The following NAA11 variants were observed in gnomAD, a reference collection of about 807,000 sequenced individuals.
NAA11 encodes the protein N-alpha-acetyltransferase 11, NatA catalytic subunit.
Under a neutral mutation model 16.1 loss-of-function variants are expected in NAA11, and 15 were observed. That is an observed-to-expected ratio of 0.93 (90% confidence interval 0.62 to 1.44). NAA11 has a LOEUF of 1.44. Ranked by LOEUF, NAA11 falls within the 40% of genes most tolerant of loss-of-function variation. The probability of loss-of-function intolerance (pLI) is 0.00; values close to 1 mark genes in which losing one functional copy is unlikely to be tolerated. For missense variants in NAA11, 298 were observed against 291.3 expected (o/e 1.02, Z -0.17); for synonymous variants, 122 against 112.4 (o/e 1.09, Z -0.54).
chr4:79,288,432 A>G (rs1220900416), intron 2 of NAA11, among the ~76,000 whole-genome samples: 5 of 152,212 alleles, frequency 3.3e-5, no homozygotes, highest in Admixed American at 1.3e-4. Flanking sequence ...GAGGCATTAA[A>G]AGATATGCTG....
chr4:79,233,254 A>G (rs1721504205), intron 2 of NAA11, among the ~76,000 whole-genome samples: 1 of 152,016 alleles, frequency 6.6e-6, no homozygotes, highest in Non-Finnish European at 1.5e-5. Context: ...TGTACTGTCA[A>G]TTAAAGTGAC....
At chr4:79,270,178 G>A (rs1722460670) in intron 2 of NAA11, among the ~76,000 whole-genome samples, 1 of 151,010 alleles carries the variant, frequency 6.6e-6, no homozygotes, top group Non-Finnish European at 1.5e-5. Flanking sequence ...GATTGACTTG[G>A]CGATGCGGGC....
the NAA11 span, among the ~76,000 whole-genome samples, chr4:79,184,194 A>C: frequency 6.6e-6 from 1 of 152,196 alleles, no homozygotes; most frequent in Non-Finnish European, 1.5e-5. Context: ...TTTTGATAAA[A>C]CCCATATTGT....
intron 2 of NAA11, among the ~76,000 whole-genome samples, chr4:79,255,920 T>C (rs1722099177): frequency 6.6e-6 from 1 of 152,202 alleles, no homozygotes; most frequent in South Asian, 2.1e-4. Context: ...GTAGTAACTT[T>C]GGGTCATTGC....
rs1722616570 is a variant in NAA11 at position 79,275,009 on chromosome 4, G to C, written c.*122+18996C>G. Reference sequence around the variant, plus strand: ...ATGAAGCAGGCCAGATCCTACTTCAGGTCTTAGTTGTGGATGGCTTGATGG... The same window carrying C: ...ATGAAGCAGGCCAGATCCTACTTCACGTCTTAGTTGTGGATGGCTTGATGG... On this transcript the variant is annotated intron_variant and NMD_transcript_variant, in intron 2 of 2. Coordinates refer to the NAA11 transcript ENST00000511542. 2.0e-5 allele frequency among the ~76,000 whole-genome samples: 3 copies of C among 152,052 alleles called. No individual in the cohort carries two copies. The South Asian group carries it at 6.2e-4, about 32-fold the overall frequency.
chr4:79,282,610 G>A (rs937772369), intron 2 of NAA11, among the ~76,000 whole-genome samples: 1 of 152,044 alleles, frequency 6.6e-6, no homozygotes, highest in Non-Finnish European at 1.5e-5. Flanking sequence ...ATAGATTGTG[G>A]TGTATTGATG....
At chr4:79,256,669 T>TA (rs1560427608) in intron 2 of NAA11, among the ~76,000 whole-genome samples, 27 of 146,886 alleles carry the variant, frequency 1.8e-4, no homozygotes, top group Middle Eastern at 7.2e-3. Context: ...TATATATATA[T>TA]TGACACGAGG....
At chr4:79,293,491 A>T (rs1223048475) in intron 2 of NAA11, among the ~76,000 whole-genome samples, 1 of 152,202 alleles carries the variant, frequency 6.6e-6, no homozygotes, top group Non-Finnish European at 1.5e-5. Flanking sequence ...TTCCCAAAGC[A>T]TTTGGAAGTT....
At chr4:79,295,489 G>A (rs1723194381) in intron 1 of NAA11, among the ~76,000 whole-genome samples, 1 of 152,140 alleles carries the variant, frequency 6.6e-6, no homozygotes, top group Non-Finnish European at 1.5e-5. Flanking sequence ...ACACACAAAA[G>A]CAACTTTGAT....
the NAA11 span, among the ~76,000 whole-genome samples, chr4:79,170,712 T>C: frequency 6.6e-6 from 1 of 152,216 alleles, no homozygotes; most frequent in Admixed American, 6.5e-5. Context: ...TTAGAAGTTT[T>C]ATTTCTTCAT....
At chr4:79,198,532 G>A in the NAA11 span, among the ~76,000 whole-genome samples, 1 of 151,828 alleles carries the variant, frequency 6.6e-6, no homozygotes, top group African/African-American at 2.4e-5. Flanking sequence ...GTGTTTTGGT[G>A]TTTTCTGAGG....
At chr4:79,296,545 C>T (rs1156282207) in intron 1 of NAA11, among the ~76,000 whole-genome samples, 1 of 152,214 alleles carries the variant, frequency 6.6e-6, no homozygotes, top group African/African-American at 2.4e-5. Context: ...CCTTCCTTAT[C>T]TGGGAAAGAG....
chr4:79,225,407 T>C (rs1257120021), downstream of NAA11, among the ~76,000 whole-genome samples: 1 of 152,100 alleles, frequency 6.6e-6, no homozygotes, highest in Non-Finnish European at 1.5e-5. Context: ...AAAGTGTCAC[T>C]GTGGCTGAGG....
Position 79,265,072 on chromosome 4 carries a change from A to G in NAA11, c.*122+28933T>C, listed in dbSNP as rs1722314964. ...TCCTTTTACAATTTTCCCTATCTCA[A>G]TAAATGGCAATCCCATCCTCCCAGT... On this transcript the variant is annotated intron_variant and NMD_transcript_variant, in intron 2 of 2. Coordinates refer to the NAA11 transcript ENST00000511542. Among the ~76,000 whole-genome samples, 3 of 152,184 alleles carry G rather than the reference A, an allele frequency of 2.0e-5. No homozygotes were observed. In the South Asian group the frequency reaches 6.2e-4, roughly 32 times the overall value.
chr4:79,315,310 G>T (rs997568120), downstream of NAA11, among the ~76,000 whole-genome samples: 16 of 152,134 alleles, frequency 1.1e-4, no homozygotes, highest in South Asian at 2.1e-4. Context: ...AAATTTTCCT[G>T]GCTGTGGACT....
chr4:79,178,025 T>C, the NAA11 span, among the ~76,000 whole-genome samples: 42 of 152,272 alleles, frequency 2.8e-4, no homozygotes, highest in East Asian at 7.5e-3. Flanking sequence ...AGCATCTGAG[T>C]TGAACATTAA....
intron 2 of NAA11, among the ~76,000 whole-genome samples, chr4:79,263,922 A>G (rs1360033479): frequency 6.6e-6 from 1 of 152,158 alleles, no homozygotes; most frequent in East Asian, 1.9e-4. Context: ...ATCTTTTCTG[A>G]GCCCATATAC....
At chr4:79,170,537 T>A in the NAA11 span, among the ~76,000 whole-genome samples, 38 of 152,182 alleles carry the variant, frequency 2.5e-4, no homozygotes, top group Non-Finnish European at 5.4e-4. Context: ...GAAGCTAGAA[T>A]GTTCAAAGAC....
At position 79,284,878 on chromosome 4, in the gene NAA11, C is replaced by CAA. The variant is rs558413914; in HGVS notation, c.*122+9125_*122+9126dup. 2.1e-3 allele frequency among the ~76,000 whole-genome samples: 11 copies of CAA among 5,140 alleles called. 2 individuals are homozygous for CAA. The highest frequency in any genetic ancestry group is 3.8e-3 in the Non-Finnish European group (11 of 2,858). The allele number at this position is 5,140 out of a possible 152,430, so 3.4% of individuals were successfully genotyped here. ...TGGGCGACAGAGCGAGACTCCGTCTCAAAAAAAAAAAAAAAAAAAAAAAAA... is the reference window on the plus strand; with the variant it reads ...TGGGCGACAGAGCGAGACTCCGTCTCAAAAAAAAAAAAAAAAAAAAAAAAAAA... On this transcript the variant is annotated intron_variant and NMD_transcript_variant, in intron 2 of 2. Coordinates refer to the NAA11 transcript ENST00000511542.
Sources: gnomAD v4.1 joint callset for allele counts (sites outside exome capture counted in the v4.1 genomes callset) on GRCh38, gnomAD v4.1.1 for gene constraint, MANE v1.5 for transcripts, NCBI Gene and HGNC (gene_info 2026-07-23, HGNC 2026-07-21) for gene names.